Variants in NBEA observed in about 807,000 individuals in gnomAD.
NBEA encodes the protein neurobeachin.
In NBEA, 44 loss-of-function variants were observed where a neutral mutation model predicts 343.4. That is an observed-to-expected ratio of 0.13 (90% CI 0.10 to 0.16). NBEA has a LOEUF of 0.16. Among genes scored for constraint, NBEA ranks in the 10% least tolerant of loss-of-function variants. The pLI, the probability that NBEA is intolerant of heterozygous loss-of-function variation, is 1.00. For synonymous variants in NBEA, 1,175 were observed against 1,238.7 expected (o/e 0.95, Z 1.08); for missense variants, 2,555 against 3,631.3 (o/e 0.70, Z 7.62).
chr13:34,971,566 A>T (rs1725534308), intron 1 of NBEA, among the ~76,000 whole-genome samples: 1 of 152,078 alleles, frequency 6.6e-6, no homozygotes, highest in Non-Finnish European at 1.5e-5. Flanking sequence ...ACCTGAAGGG[A>T]TGTTGAATTT....
intron 38 of NBEA, among the ~76,000 whole-genome samples, chr13:35,386,575 G>C (rs1422676706): frequency 2.6e-5 from 4 of 152,018 alleles, no homozygotes; most frequent in Non-Finnish European, 1.5e-5. Flanking sequence ...AATCCTGTAA[G>C]ATAATGTTGA....
At chr13:35,254,658 A>G (rs1020069386) in intron 34 of NBEA, among the ~76,000 whole-genome samples, 2 of 152,154 alleles carry the variant, frequency 1.3e-5, no homozygotes, top group African/African-American at 4.8e-5. Context: ...AGTATATACA[A>G]TACTTTAATT....
At chr13:35,531,792 G>GC (rs1264672120) in intron 41 of NBEA, among the ~76,000 whole-genome samples, 1 of 152,168 alleles carries the variant, frequency 6.6e-6, no homozygotes, top group African/African-American at 2.4e-5. Context: ...AATTAAAGCA[G>GC]CCCAGCAAGG....
intron 39 of NBEA, among the ~76,000 whole-genome samples, chr13:35,442,988 G>A (rs767271879): frequency 3.3e-5 from 5 of 152,034 alleles, no homozygotes; most frequent in Admixed American, 3.3e-4. Context: ...TATCCTTGAT[G>A]TCCTTTTCCA....
In NBEA at chr13:35,155,132, TAAAAAAAAAA is replaced by T. The variant is rs753159286; in HGVS notation, c.2446-626_2446-617del. Among the ~76,000 whole-genome samples, 5 of 61,864 alleles carry T rather than the reference TAAAAAAAAAA, an allele frequency of 8.1e-5. No individual in the cohort carries two copies. In the Admixed American group the frequency reaches 8.5e-4, roughly 10 times the overall value. 40.6% of individuals were successfully genotyped at this position (61,864 alleles called of 152,430 possible). Reference sequence around the variant, plus strand: ...GGGTACCATAGTGAGATTCTGTCTCTAAAAAAAAAAAAAAAAAAAAAAAAAGTAGTTCATA... The same window carrying T: ...GGGTACCATAGTGAGATTCTGTCTCTAAAAAAAAAAAAAAAGTAGTTCATA... On this transcript the variant is annotated intron_variant, in intron 18 of 58. Transcript: ENST00000379939.
At chr13:35,580,306 C>T (rs1389540229) in intron 45 of NBEA, among the ~76,000 whole-genome samples, 1 of 152,068 alleles carries the variant, frequency 6.6e-6, no homozygotes, top group Non-Finnish European at 1.5e-5. Context: ...CAAATGCCCA[C>T]TGTTTGACAG....
intron 17 of NBEA, among the ~76,000 whole-genome samples, chr13:35,135,904 C>T (rs572266927): frequency 6.6e-6 from 1 of 151,592 alleles, no homozygotes; most frequent in Admixed American, 6.6e-5. Flanking sequence ...TATCACCACA[C>T]CCAGCCCCCT....
At chr13:34,949,624 T>C (rs748418774) in intron 1 of NBEA, among the ~76,000 whole-genome samples, 3 of 152,216 alleles carry the variant, frequency 2.0e-5, no homozygotes, top group Admixed American at 1.3e-4. Flanking sequence ...CAATGATATA[T>C]GGTTTATGCT....
In NBEA at chr13:35,070,255, A is replaced by C. The variant is rs2063813850; in HGVS notation, c.1437+150A>C. The C allele has an allele frequency of 4.0e-6, 3 of 759,352 alleles. No individual in the cohort carries two copies. The South Asian group carries it at 7.7e-5, about 19-fold the overall frequency. 47.0% of individuals were successfully genotyped at this position (759,352 alleles called of 1,614,324 possible). On this transcript the variant is annotated intron_variant, in intron 9 of 58. Coordinates refer to ENST00000379939, the MANE Select transcript of NBEA (RefSeq NM_001385012.1). Reference sequence around the variant, plus strand: ...TCTTTTAAGTGAAACTTTAAAGAATATCTCTCTTTTCTATAGCAATATACT... The same window carrying C: ...TCTTTTAAGTGAAACTTTAAAGAATCTCTCTCTTTTCTATAGCAATATACT...
intron 31 of NBEA, among the ~76,000 whole-genome samples, chr13:35,202,244 T>TA (rs2073072160): frequency 6.6e-6 from 1 of 152,154 alleles, no homozygotes. Flanking sequence ...GTCCTGGGCA[T>TA]AACTCTGACC....
intron 41 of NBEA, among the ~76,000 whole-genome samples, chr13:35,518,107 T>C (rs1444645136): frequency 6.6e-6 from 1 of 152,220 alleles, no homozygotes; most frequent in Non-Finnish European, 1.5e-5. Flanking sequence ...CTTGGTACTT[T>C]GTTAATTCCG....
chr13:35,571,729 T>G (rs1183844347), intron 45 of NBEA, among the ~76,000 whole-genome samples: 1 of 96,694 alleles, frequency 1.0e-5, no homozygotes, highest in Non-Finnish European at 2.3e-5. Flanking sequence ...GATTAAAAAT[T>G]AATGCCATTT....
chr13:35,110,509 T>G (rs1593376388), intron 12 of NBEA, among the ~76,000 whole-genome samples: 1 of 152,274 alleles, frequency 6.6e-6, no homozygotes, highest in Non-Finnish European at 1.5e-5. Flanking sequence ...AGTTGACTTT[T>G]AAAATATTTT....
chr13:35,416,168 T>C (rs1004492479), intron 38 of NBEA, among the ~76,000 whole-genome samples: 3 of 152,202 alleles, frequency 2.0e-5, no homozygotes, highest in African/African-American at 7.2e-5. Context: ...TATACAATGA[T>C]GTCATCTGCA....
At chr13:35,118,165 A>T (rs1035362930) in intron 14 of NBEA, 63 bp from the exon 15 acceptor site, 2 of 1,080,894 alleles carry the variant, frequency 1.9e-6, no homozygotes, top group Admixed American at 2.9e-5. Context: ...TTATTTTGAC[A>T]TCTTTTTTAA....
At chr13:35,633,632 T>G (rs1214115772) in intron 49 of NBEA, among the ~76,000 whole-genome samples, 1 of 151,948 alleles carries the variant, frequency 6.6e-6, no homozygotes. Context: ...TCACTTGAAT[T>G]TTATGTACCT....
intron 14 of NBEA, among the ~76,000 whole-genome samples, chr13:35,117,760 T>C (rs900470112): frequency 6.6e-6 from 1 of 152,000 alleles, no homozygotes. Context: ...TAATTGACCA[T>C]TATTCGAGAA....
chr13:35,627,943 G>C, intron 48 of NBEA, 138 bp from the exon 49 acceptor site: 1 of 601,860 alleles, frequency 1.7e-6, no homozygotes, highest in South Asian at 3.0e-5. Context: ...CTGAAGATCT[G>C]ATACATATAA....
intron 1 of NBEA, among the ~76,000 whole-genome samples, chr13:34,993,609 A>C (rs1246336750): frequency 3.3e-5 from 5 of 152,210 alleles, no homozygotes; most frequent in African/African-American, 4.8e-5. Context: ...TGAGGAAGTT[A>C]GTCTCCAAAA....
Sources: gnomAD v4.1 joint callset for allele counts (sites outside exome capture counted in the v4.1 genomes callset) on GRCh38, gnomAD v4.1.1 for gene constraint, MANE v1.5 for transcripts, NCBI Gene and HGNC (gene_info 2026-07-23, HGNC 2026-07-21) for gene names.